Variants in ZBTB45 observed in about 807,000 individuals in gnomAD.
ZBTB45 encodes zinc finger and BTB domain containing 45.
Under a neutral mutation model 28.4 loss-of-function variants are expected in ZBTB45, and 22 were observed. The observed-to-expected ratio is 0.77, with a 90% CI of 0.55 to 1.10. The LOEUF (loss-of-function observed/expected upper bound fraction) is 1.10, where lower values mean the gene tolerates loss of function less well. Ranked by LOEUF, ZBTB45 falls within the 50% of genes least tolerant of loss-of-function variation. The pLI is 0.00. For synonymous variants in ZBTB45, 361 were observed against 332.3 expected (o/e 1.09, Z -0.94); for missense variants, 656 against 750.2 (o/e 0.87, Z 1.47).
rs763073081 is a variant in ZBTB45 at position 58,516,937 on chromosome 19, G to A, written c.737C>T (p.Thr246Ile). The change falls in exon 2 of 3, where the codon ACT becomes ATT. Residue 246 changes from threonine to isoleucine, a missense_variant. Thr to Ile is a moderately conservative substitution (Grantham distance 89, BLOSUM62 -1). Coordinates refer to ENST00000594051, the MANE Select transcript of ZBTB45 (RefSeq NM_001316979.2). The surrounding 1 kb of genome is among the most constrained non-coding windows in gnomAD (Gnocchi z 6.2). The stretch of plus-strand genomic sequence containing the variant: ...CTCGCACGCGCTGTCAGCAGCAGCA[G>A]TGAGGAAGCCAGCAGCACAGTCTGG... Reference protein sequence around the residue: ...SFPDCAAGFLTAAADSACEEP... With the variant: ...SFPDCAAGFLIAAADSACEEP... 3.1e-6 allele frequency: 5 copies of A among 1,613,310 alleles called. No homozygotes were observed. The East Asian group carries it at 8.9e-5, about 29-fold the overall frequency.
chr19:58,521,889 C>T (rs775982032), upstream of ZBTB45, among the ~76,000 whole-genome samples: 1 of 152,144 alleles, frequency 6.6e-6, no homozygotes, highest in Non-Finnish European at 1.5e-5. Flanking sequence ...AAACGCATGA[C>T]TAGAACAAAG....
At chr19:58,533,624 A>G (rs1372213492) in intron 1 of ZBTB45, among the ~76,000 whole-genome samples, 1 of 152,164 alleles carries the variant, frequency 6.6e-6, no homozygotes, top group Non-Finnish European at 1.5e-5. Flanking sequence ...AACAGGAATC[A>G]TAGTGATTCC....
chr19:58,537,736 G>A (rs2053667933), intron 1 of ZBTB45, among the ~76,000 whole-genome samples: 1 of 152,174 alleles, frequency 6.6e-6, no homozygotes, highest in South Asian at 2.1e-4. Context: ...CTACCCTAGA[G>A]GCCAGAGGCA....
rs1175973185 is a variant in ZBTB45, at chr19:58,517,541, G to A, written c.133C>T (p.Arg45Cys). ...VTVRIREASL[R>C]AHRCVLAAGS... The stretch of plus-strand genomic sequence containing the variant: ...GCCGCCAGCACGCAGCGGTGGGCAC[G>A]CAGCGAAGCTTCACGAATGCGCACA... The change falls in exon 2 of 3, where the codon CGT (arginine) becomes TGT (cysteine). Residue 45 changes from arginine to cysteine, a missense_variant. Physicochemically the swap from Arg to Cys is radical, Grantham distance 180 (BLOSUM62 -3). Around this residue, in one of 3 missense-constraint regions of ZBTB45, gnomAD observed 105 missense variants for 152.4 expected, o/e 0.69. Transcript: ENST00000594051. 5.6e-6 allele frequency: 9 copies of A among 1,613,618 alleles called. No homozygotes were observed. The highest frequency in any genetic ancestry group is 2.2e-5 in the East Asian group (1 of 44,874).
intron 1 of ZBTB45, among the ~76,000 whole-genome samples, chr19:58,531,584 G>C (rs1022193566): frequency 2.6e-5 from 4 of 152,218 alleles, no homozygotes; most frequent in Admixed American, 6.5e-5. Context: ...AAGCAAGCAA[G>C]AACTGGGGCC....
In ZBTB45 at chr19:58,515,497, T is replaced by C. The variant is rs1181473283; in HGVS notation, c.1279+898A>G. Among the ~76,000 whole-genome samples, 1 of 151,848 alleles carries C rather than the reference T, an allele frequency of 6.6e-6. No individual in the cohort carries two copies. Among genetic ancestry groups the C allele is most frequent in the African/African-American group, 2.4e-5 (1 of 41,326 alleles). On this transcript the variant is annotated intron_variant, in intron 2 of 2. Coordinates refer to ENST00000594051, the MANE Select transcript of ZBTB45 (RefSeq NM_001316979.2). This position sits in a 1 kb window ranked among gnomAD's most constrained non-coding sequence, Gnocchi z 4.7. Reference sequence around the variant, plus strand: ...GGAGACTAATCACCCAACTCCCTTATTCCCAGGCCCCTGGCTTCTCCCAGG... The same window carrying C: ...GGAGACTAATCACCCAACTCCCTTACTCCCAGGCCCCTGGCTTCTCCCAGG...
At chr19:58,523,210 G>T (rs1452744681), upstream of ZBTB45, among the ~76,000 whole-genome samples, 1 of 152,014 alleles carries the variant, frequency 6.6e-6, no homozygotes, top group African/African-American at 2.4e-5. Context: ...GCAGCCTCAA[G>T]GGTTATTTTC....
Position 58,516,212 on chromosome 19 carries a change from CCA to C in ZBTB45, c.1279+181_1279+182del, listed in dbSNP as rs1229120031. Among the ~76,000 whole-genome samples, 8 of 152,180 alleles carry C rather than the reference CCA, an allele frequency of 5.3e-5. No homozygotes were observed. Among genetic ancestry groups the C allele is most frequent in the African/African-American group, 1.7e-4 (7 of 41,446 alleles). ...TCCACAGAAGCCAGTGCCTGCTGCT[CCA>C]CAGAGTGGGGCTTTCCCCTCCCCCA... On this transcript the variant is annotated intron_variant, in intron 2 of 2. Coordinates refer to ENST00000594051, the MANE Select transcript of ZBTB45 (RefSeq NM_001316979.2). This position sits in a 1 kb window ranked among gnomAD's most constrained non-coding sequence, Gnocchi z 6.2.
chr19:58,527,058 C>T (rs961710319), intron 1 of ZBTB45, among the ~76,000 whole-genome samples: 8 of 152,174 alleles, frequency 5.3e-5, no homozygotes, highest in Non-Finnish European at 1.0e-4. Flanking sequence ...TTGTGGGACA[C>T]CTGGCTGGTT....
At chr19:58,527,973 G>C (rs916634838) in intron 1 of ZBTB45, among the ~76,000 whole-genome samples, 1 of 152,174 alleles carries the variant, frequency 6.6e-6, no homozygotes, top group Non-Finnish European at 1.5e-5. Flanking sequence ...GTGGCAGTAC[G>C]TGCCTGTAAT....
intron 1 of ZBTB45, among the ~76,000 whole-genome samples, chr19:58,535,471 C>T (rs757125337): frequency 2.6e-5 from 4 of 151,926 alleles, no homozygotes; most frequent in African/African-American, 4.8e-5. Context: ...CTCGTCTCTA[C>T]TAAAAATACA....
chr19:58,531,819 T>G (rs1353139320), intron 1 of ZBTB45, among the ~76,000 whole-genome samples: 1 of 152,174 alleles, frequency 6.6e-6, no homozygotes, highest in African/African-American at 2.4e-5. Flanking sequence ...TTGATCAGGT[T>G]TGGCATCTAT....
Position 58,515,397 on chromosome 19 carries a change from A to G in ZBTB45, c.1279+998T>C, listed in dbSNP as rs1314223235. On this transcript the variant is annotated intron_variant, in intron 2 of 2. Transcript: ENST00000594051. This position sits in a 1 kb window ranked among gnomAD's most constrained non-coding sequence, Gnocchi z 4.7. ...GCCTGCCAGAGGGTACCCCAGAATAACCTGGCCCAGGCACCTGGCTCAGAT... is the reference window on the plus strand; with the variant it reads ...GCCTGCCAGAGGGTACCCCAGAATAGCCTGGCCCAGGCACCTGGCTCAGAT... Among the ~76,000 whole-genome samples, 1 of 151,796 alleles carries G rather than the reference A, an allele frequency of 6.6e-6. No individual in the cohort carries two copies. The highest frequency in any genetic ancestry group is 1.5e-5 in the Non-Finnish European group (1 of 67,940).
chr19:58,534,072 C>T (rs965389291), intron 1 of ZBTB45, among the ~76,000 whole-genome samples: 11 of 152,160 alleles, frequency 7.2e-5, no homozygotes, highest in Non-Finnish European at 1.5e-4. Flanking sequence ...CTTCTGAGAG[C>T]CAGAGATGTT....
At chr19:58,534,020 G>A (rs561922746) in intron 1 of ZBTB45, among the ~76,000 whole-genome samples, 1 of 152,352 alleles carries the variant, frequency 6.6e-6, no homozygotes, top group Admixed American at 6.5e-5. Flanking sequence ...GGTAGGCAAA[G>A]CTTGTCTGTG....
At chr19:58,524,013 G>T (rs2053592297), upstream of ZBTB45, among the ~76,000 whole-genome samples, 1 of 140,328 alleles carries the variant, frequency 7.1e-6, no homozygotes, top group Non-Finnish European at 1.5e-5. Context: ...GGTGGAGGTT[G>T]CAGTGAGCCA....
intron 1 of ZBTB45, among the ~76,000 whole-genome samples, chr19:58,527,868 G>A (rs781621643): frequency 4.6e-5 from 7 of 152,178 alleles, no homozygotes; most frequent in Non-Finnish European, 7.3e-5. Flanking sequence ...TTGGGAGGCC[G>A]AGGTAGGTGG....
intron 1 of ZBTB45, among the ~76,000 whole-genome samples, chr19:58,530,681 CT>C (rs112607398): frequency 0.07 from 10,051 of 144,254 alleles, 438 homozygotes; most frequent in Admixed American, 0.12. Context: ...TGTTTTCTTT[CT>C]TTTTTTTTTT....
chr19:58,534,642 C>CACCT (rs894882318), intron 1 of ZBTB45, among the ~76,000 whole-genome samples: 1 of 150,820 alleles, frequency 6.6e-6, no homozygotes, highest in Non-Finnish European at 1.5e-5. Context: ...CTGCAAGCTC[C>CACCT]ACCTCCCAGG....
Sources: gnomAD v4.1 joint callset for allele counts (sites outside exome capture counted in the v4.1 genomes callset) on GRCh38, gnomAD v4.1.1 for gene constraint, gnomAD v4.1.1 regional missense constraint, Gnocchi (gnomAD v3.1) non-coding constraint, MANE v1.5 for transcripts, NCBI Gene and HGNC (gene_info 2026-07-23, HGNC 2026-07-21) for gene names.